NANOS3: variants seen among roughly 807,000 people sequenced by gnomAD.
The protein encoded by NANOS3 is nanos homolog 3.
A neutral mutation model predicts 13.8 loss-of-function variants in NANOS3; 11 were observed. The observed-to-expected ratio is 0.80, with a 90% CI of 0.50 to 1.32. The LOEUF (loss-of-function observed/expected upper bound fraction) is 1.32, where lower values mean the gene tolerates loss of function less well. NANOS3 is among the 40% of genes most tolerant of loss of function. NANOS3 has a pLI of 0.00. For missense variants in NANOS3, 221 were observed against 263.8 expected (o/e 0.84, Z 1.12); for synonymous variants, 119 against 115.4 (o/e 1.03, Z -0.20).
upstream of NANOS3, among the ~76,000 whole-genome samples, chr19:13,865,049 C>T (rs553016824): frequency 5.3e-5 from 8 of 152,180 alleles, no homozygotes; most frequent in East Asian, 1.6e-3. Flanking sequence ...CTGATTCCCC[C>T]GCGCGGGCCC....
At chr19:13,878,525 C>T (rs545861864) in intron 1 of NANOS3, among the ~76,000 whole-genome samples, 1 of 152,308 alleles carries the variant, frequency 6.6e-6, no homozygotes, top group African/African-American at 2.4e-5. Flanking sequence ...GCATCAGCCA[C>T]CACATCTGGC....
At chr19:13,871,768 G>A (rs1354857180) in intron 1 of NANOS3, among the ~76,000 whole-genome samples, 2 of 152,214 alleles carry the variant, frequency 1.3e-5, no homozygotes, top group African/African-American at 4.8e-5. Flanking sequence ...AGAACTTTGG[G>A]AGGCCCAGGA....
chr19:13,869,685 A>G (rs1976294515), intron 1 of NANOS3, among the ~76,000 whole-genome samples: 1 of 151,314 alleles, frequency 6.6e-6, no homozygotes, highest in Admixed American at 6.6e-5. Context: ...TGGAACCCCC[A>G]TAATGGGCTC....
intron 1 of NANOS3, among the ~76,000 whole-genome samples, chr19:13,868,711 G>A (rs1456981158): frequency 6.6e-6 from 1 of 150,734 alleles, no homozygotes; most frequent in African/African-American, 2.4e-5. Context: ...TGAAATCCCT[G>A]TCTTCCCACA....
Position 13,877,766 on chromosome 19 carries a change from GTGCC to G in NANOS3, c.517+5_517+8del. The G allele has an allele frequency of 1.3e-6, 2 of 1,554,328 alleles. No individual in the cohort carries two copies. Among genetic ancestry groups the G allele is most frequent in the East Asian group, 4.8e-5 (2 of 41,790 alleles). ...CGCCGAGGAGGAGGAGGAGGAGCAG[GTGCC>G]TGCACAGGTGGCTGGGGGGGACCTG... On this transcript the variant is annotated splice_donor_variant and splice_donor_5th_base_variant and intron_variant, in intron 1 of 1. Coordinates refer to ENST00000339133, the MANE Select transcript of NANOS3 (RefSeq NM_001098622.3). LOFTEE classifies it high-confidence loss of function.
chr19:13,877,110 G>C, upstream of NANOS3: 1 of 745,968 alleles, frequency 1.3e-6, no homozygotes, highest in Non-Finnish European at 2.2e-6. Flanking sequence ...GAGGTAAAAG[G>C]AGGGTCGGCC....
upstream of NANOS3, among the ~76,000 whole-genome samples, chr19:13,863,185 T>C (rs949574687): frequency 4.6e-5 from 7 of 151,770 alleles, no homozygotes; most frequent in Admixed American, 2.0e-4. Flanking sequence ...TCCGCCTCTT[T>C]TTCTAAGAGA....
At position 13,880,656 on chromosome 19, in the gene NANOS3, C is replaced by T. The variant is rs960677815; in HGVS notation, c.*153C>T. The T allele has an allele frequency of 4.2e-5, 28 of 663,106 alleles. 1 individual carries two copies. Among genetic ancestry groups the T allele is most frequent in the South Asian group, 1.6e-4 (9 of 54,912 alleles). The allele number at this position is 663,106 out of a possible 1,614,324, so 41.1% of individuals were successfully genotyped here. On this transcript the variant is annotated 3_prime_UTR_variant, in exon 2 of 2. Transcript: ENST00000339133. ...GGGTTGGCAAGGGAAGAGCTGAAAT[C>T]GCCCTGTCCTTGGGGACCCCACCCT...
rs1408589776 is a variant in NANOS3, at chr19:13,880,542, C to A, written c.*39C>A. ...CCTGGGCAAGGGCACCCGGGCTCGG[C>A]TGGATTTCCAGGAAGACCCACCCTA... On this transcript the variant is annotated 3_prime_UTR_variant, in exon 2 of 2. Transcript: ENST00000339133. 2 of 1,595,242 alleles carry A rather than the reference C, an allele frequency of 1.3e-6. No homozygotes were observed. Among genetic ancestry groups the A allele is most frequent in the South Asian group, 1.1e-5 (1 of 90,178 alleles).
upstream of NANOS3, among the ~76,000 whole-genome samples, chr19:13,873,351 T>TG (rs936792562): frequency 1.6e-4 from 21 of 132,966 alleles, no homozygotes; most frequent in Middle Eastern, 3.8e-3. Flanking sequence ...AGGGGTGTGG[T>TG]GGGGGGGTGG....
At chr19:13,865,288 T>TTC (rs1220652499), upstream of NANOS3, 3 of 123,986 alleles carry the variant, frequency 2.4e-5, no homozygotes, top group African/African-American at 6.1e-5. Flanking sequence ...CGCGGCCCCC[T>TTC]CCCCCCCCCC....
upstream of NANOS3, among the ~76,000 whole-genome samples, chr19:13,864,394 T>A (rs1372255287): frequency 6.6e-6 from 1 of 152,138 alleles, no homozygotes; most frequent in African/African-American, 2.4e-5. Context: ...TGGACCCCTG[T>A]GGCTCTGGGA....
rs778538139 is a variant in NANOS3 at position 13,877,400 on chromosome 19, CGCCGGAGTCGGTGCCAGT to C, written c.158_175del (p.Glu53_Pro58del). The C allele has an allele frequency of 6.2e-7, 1 of 1,612,384 alleles. No homozygotes were observed. The highest frequency in any genetic ancestry group is 1.1e-5 in the South Asian group (1 of 91,082). On this transcript the variant is annotated inframe_deletion, in exon 1 of 2. Coordinates refer to ENST00000339133, the MANE Select transcript of NANOS3 (RefSeq NM_001098622.3). ...GTGTCAGCCCTGGAGCCGATGCCAG[CGCCGGAGTCGGTGCCAGT>C]GCCGGGACCCAAGGATCAGAAGCGC...
upstream of NANOS3, among the ~76,000 whole-genome samples, chr19:13,865,243 G>A (rs1459723447): frequency 1.4e-5 from 2 of 145,832 alleles, no homozygotes; most frequent in African/African-American, 5.0e-5. Context: ...CGGGCGGGCG[G>A]CGGCGGCCAC....
At chr19:13,868,031 C>T (rs1365670221) in intron 1 of NANOS3, among the ~76,000 whole-genome samples, 2 of 151,698 alleles carry the variant, frequency 1.3e-5, no homozygotes, top group Non-Finnish European at 2.9e-5. Flanking sequence ...TGCCCACAAA[C>T]CCAATAATAT....
Position 13,877,173 on chromosome 19 carries a change from T to C in NANOS3, c.-76T>C. ...GGAAGGAAGGGGCAGCAGAGAGGGG[T>C]CAGAAGGAGGGAGCTTAAGCCAGGC... On this transcript the variant is annotated 5_prime_UTR_variant, in exon 1 of 2. Transcript: ENST00000339133. The C allele has an allele frequency of 2.4e-6, 3 of 1,274,082 alleles. No homozygotes were observed. The highest frequency in any genetic ancestry group is 3.3e-6 in the Non-Finnish European group (3 of 905,090). 78.9% of individuals were successfully genotyped at this position (1,274,082 alleles called of 1,614,324 possible).
upstream of NANOS3, among the ~76,000 whole-genome samples, chr19:13,863,171 C>G (rs554030910): frequency 6.6e-6 from 1 of 152,148 alleles, no homozygotes; most frequent in Non-Finnish European, 1.5e-5. Context: ...CCTCCCCAAC[C>G]CCTTCCGCCT....
Position 13,877,975 on chromosome 19 carries a change from C to G in NANOS3, c.517+210C>G, listed in dbSNP as rs147961427. 4.1e-3 allele frequency among the ~76,000 whole-genome samples: 630 copies of G among 152,238 alleles called. 4 individuals are homozygous for G. The highest frequency in any genetic ancestry group is 0.014 in the African/African-American group (602 of 41,524). ...TCAGGCTGGAGTGCAGTGGCGCCAT[C>G]TCGGCTCACTGCAACCTCCACCTCC... is the stretch of plus-strand genomic sequence containing the variant. On this transcript the variant is annotated intron_variant, in intron 1 of 1. Coordinates refer to ENST00000339133, the MANE Select transcript of NANOS3 (RefSeq NM_001098622.3).
chr19:13,873,895 TGGGGGCACCC>T (rs1968451795), upstream of NANOS3, among the ~76,000 whole-genome samples: 2 of 67,394 alleles, frequency 3.0e-5, no homozygotes, highest in African/African-American at 1.2e-4. Flanking sequence ...CCTGTAGGCC[TGGGGGCACCC>T]GGGGCGGGGG....
Sources: allele counts gnomAD v4.1 joint callset (sites outside exome capture counted in the v4.1 genomes callset), GRCh38; gene constraint gnomAD v4.1.1; transcripts MANE v1.5; gene names NCBI Gene and HGNC (gene_info 2026-07-23, HGNC 2026-07-21).